Variants in FGF13 observed in about 807,000 individuals in gnomAD.
The protein encoded by FGF13 is fibroblast growth factor 13.
A neutral mutation model predicts 19.5 loss-of-function variants in FGF13; 2 were observed. The observed-to-expected ratio is 0.10, with a 90% CI of 0.04 to 0.32. The LOEUF is 0.32. Among genes scored for constraint, FGF13 ranks in the 10% least tolerant of loss-of-function variants. The pLI, the probability that FGF13 is intolerant of heterozygous loss-of-function variation, is 1.00. For synonymous variants in FGF13, 72 were observed against 76.9 expected, an observed-to-expected ratio of 0.94 and a Z score of 0.33; for missense variants, 113 against 192.7, an observed-to-expected ratio of 0.59 and a Z score of 2.45.
chrX:139,198,705 A>C (rs1159852881), intron 1 of FGF13, among the ~76,000 whole-genome samples: 5 of 111,122 alleles, frequency 4.5e-5, no homozygotes, highest in African/African-American at 9.8e-5. Flanking sequence ...TCAAGAATTT[A>C]TTTCTTTTCT....
At chrX:138,662,476 T>C (rs764014387) in intron 3 of FGF13, among the ~76,000 whole-genome samples, 1 of 111,669 alleles carries the variant, frequency 9.0e-6, no homozygotes, top group Non-Finnish European at 1.9e-5. Flanking sequence ...TAAACAATGC[T>C]TTCTAAAGAG....
chrX:138,873,685 G>T (rs1294941272), intron 1 of FGF13, among the ~76,000 whole-genome samples: 6 of 110,620 alleles, frequency 5.4e-5, no homozygotes, highest in Non-Finnish European at 1.1e-4. Flanking sequence ...TGGTCATTTG[G>T]GGAGTGTTTA....
intron 1 of FGF13, among the ~76,000 whole-genome samples, chrX:139,099,183 A>G (rs2083490284): frequency 9.0e-6 from 1 of 110,938 alleles, no homozygotes; most frequent in Non-Finnish European, 1.9e-5. Context: ...AATGAATCAA[A>G]CAAATATGCA....
At chrX:138,697,293 A>C (rs1032145909) in intron 3 of FGF13, among the ~76,000 whole-genome samples, 1 of 111,297 alleles carries the variant, frequency 9.0e-6, no homozygotes, top group African/African-American at 3.3e-5. Flanking sequence ...CTATGTAATG[A>C]GAGAAGAAAC....
chrX:138,857,377 A>T, downstream of FGF13: 1 of 563,389 alleles, frequency 1.8e-6, no homozygotes, highest in Non-Finnish European at 2.8e-6. Context: ...TTCACCAGCC[A>T]GCCAGGGGGC....
intron 1 of FGF13, among the ~76,000 whole-genome samples, chrX:139,107,570 T>G (rs1218716984): frequency 9.1e-6 from 1 of 110,071 alleles, no homozygotes; most frequent in Non-Finnish European, 1.9e-5. Flanking sequence ...TGAAAGTAAC[T>G]GAAGAATGAG....
At chrX:138,654,925 T>C (rs2089420682) in intron 3 of FGF13, among the ~76,000 whole-genome samples, 1 of 111,471 alleles carries the variant, frequency 9.0e-6, no homozygotes, top group South Asian at 3.8e-4. Flanking sequence ...TTTCTAAATA[T>C]CTGGCTAAGA....
At chrX:138,779,213 G>A (rs983529286) in intron 3 of FGF13, among the ~76,000 whole-genome samples, 3 of 110,059 alleles carry the variant, frequency 2.7e-5, no homozygotes, top group Non-Finnish European at 3.8e-5. Context: ...CAAAGATGGG[G>A]AAAAAACAGA....
chrX:138,695,204 A>G (rs1009526874), intron 3 of FGF13, among the ~76,000 whole-genome samples: 9 of 111,752 alleles, frequency 8.1e-5, no homozygotes, highest in Non-Finnish European at 1.5e-4. Flanking sequence ...CTTAATCTCA[A>G]TTGAATTAAG....
chrX:139,079,425 A>T (rs775673601), intron 1 of FGF13, among the ~76,000 whole-genome samples: 15 of 111,115 alleles, frequency 1.3e-4, no homozygotes, highest in Middle Eastern at 4.6e-3. Flanking sequence ...TGAGAGATGA[A>T]GGAAGAAGAG....
chrX:138,838,487 G>A (rs1276523742), intron 3 of FGF13, among the ~76,000 whole-genome samples: 1 of 111,728 alleles, frequency 9.0e-6, no homozygotes, highest in Non-Finnish European at 1.9e-5. Context: ...GGAGAATTGT[G>A]GTTTCCCAGG....
intron 1 of FGF13, among the ~76,000 whole-genome samples, chrX:139,115,470 C>T (rs2083633353): frequency 9.0e-6 from 1 of 111,628 alleles, no homozygotes; most frequent in Non-Finnish European, 1.9e-5. Context: ...CCTCCTCCTT[C>T]CTGACTGGAA....
intron 1 of FGF13, among the ~76,000 whole-genome samples, chrX:139,088,398 A>C (rs2083417793): frequency 9.0e-6 from 1 of 111,440 alleles, no homozygotes; most frequent in South Asian, 3.8e-4. Context: ...TCTATTTGTT[A>C]ACATATCCCA....
intron 1 of FGF13, among the ~76,000 whole-genome samples, chrX:139,119,812 A>G (rs2083664642): frequency 8.9e-6 from 1 of 112,787 alleles, no homozygotes; most frequent in African/African-American, 3.2e-5. Flanking sequence ...ATTTAATCCT[A>G]GCAACATCCC....
intron 1 of FGF13, among the ~76,000 whole-genome samples, chrX:138,933,789 G>A (rs2091717248): frequency 9.0e-6 from 1 of 111,481 alleles, no homozygotes; most frequent in Admixed American, 9.5e-5. Context: ...CTCAAAACTT[G>A]TACTGGCTCC....
intron 1 of FGF13, among the ~76,000 whole-genome samples, chrX:138,984,494 G>GAA (rs2091978361): frequency 9.5e-5 from 2 of 20,989 alleles, no homozygotes; most frequent in Middle Eastern, 0.021. Flanking sequence ...AGAAGGAGAA[G>GAA]GAGAAGGAGA....
At chrX:138,737,889 G>A (rs1479790491) in intron 1 of FGF13, among the ~76,000 whole-genome samples, 2 of 112,495 alleles carry the variant, frequency 1.8e-5, no homozygotes, top group African/African-American at 3.2e-5. Context: ...GTTTCTTAGA[G>A]ACATGAATTG....
At chrX:138,846,949 A>G (rs2091187406) in intron 3 of FGF13, among the ~76,000 whole-genome samples, 1 of 111,668 alleles carries the variant, frequency 9.0e-6, no homozygotes, top group Non-Finnish European at 1.9e-5. Flanking sequence ...ACCTAATCTT[A>G]GGCCTACAGA....
At chrX:139,092,150 T>C (rs190388263) in intron 1 of FGF13, among the ~76,000 whole-genome samples, 2 of 111,774 alleles carry the variant, frequency 1.8e-5, no homozygotes, top group Admixed American at 1.9e-4. Flanking sequence ...GCTACACTTT[T>C]GCTTCTCTTC....
Sources: gnomAD v4.1 joint callset for allele counts (sites outside exome capture counted in the v4.1 genomes callset) on GRCh38, gnomAD v4.1.1 for gene constraint, MANE v1.5 for transcripts, NCBI Gene and HGNC (gene_info 2026-07-23, HGNC 2026-07-21) for gene names.